CAPZB: variants seen among roughly 807,000 people sequenced by gnomAD.
The protein encoded by CAPZB is capping actin protein of muscle Z-line subunit beta, also known as F-actin-capping protein subunit beta.
Under a neutral mutation model 38.1 loss-of-function variants are expected in CAPZB, and 2 were observed. The observed-to-expected ratio is 0.05, with a 90% CI of 0.02 to 0.17. The LOEUF (loss-of-function observed/expected upper bound fraction) is 0.17, where lower values mean the gene tolerates loss of function less well. Among genes scored for constraint, CAPZB ranks in the 10% least tolerant of loss-of-function variants. The pLI, the probability that CAPZB is intolerant of heterozygous loss-of-function variation, is 1.00. For synonymous variants in CAPZB, 107 were observed against 127.4 expected (o/e 0.84, Z 1.08); for missense variants, 161 against 334.2 (o/e 0.48, Z 4.04).
chr1:19,369,491 G>A lies in CAPZB; in HGVS notation c.329+9049C>T, dbSNP rs564843686. Among the ~76,000 whole-genome samples, 9 of 152,362 alleles carry A rather than the reference G, an allele frequency of 5.9e-5. No individual in the cohort carries two copies. The East Asian group carries it at 1.3e-3, about 23-fold the overall frequency. On this transcript the variant is annotated intron_variant, in intron 4 of 8. Transcript: ENST00000264202. ...CACAAGCCCCAGGCAGTGGCAAGCC[G>A]GTGTCCCACAGCAGGCAGGGCGGGT...
Position 19,448,913 on chromosome 1 carries a change from A to G in CAPZB, c.4-29163T>C, listed in dbSNP as rs755684132. 8 of 1,612,734 alleles carry G rather than the reference A, an allele frequency of 5.0e-6. No homozygotes were observed. The African/African-American group carries it at 9.3e-5, about 19-fold the overall frequency. On this transcript the variant is annotated intron_variant, in intron 1 of 8. Transcript: ENST00000264202. ...CCCTGTATCCTGGAACTGCCTGGGC[A>G]TTGGAGGAGGTGATGGGTTAATAAC...
At chr1:19,414,080 C>T (rs542417131) in intron 2 of CAPZB, among the ~76,000 whole-genome samples, 20 of 152,092 alleles carry the variant, frequency 1.3e-4, no homozygotes, top group Admixed American at 5.9e-4. Flanking sequence ...GGCTGCTTCA[C>T]GGAGAGCAGG....
chr1:19,428,818 G>A (rs529666394), intron 1 of CAPZB, among the ~76,000 whole-genome samples: 53 of 152,202 alleles, frequency 3.5e-4, no homozygotes, highest in African/African-American at 1.2e-3. Flanking sequence ...CGAACAGTGA[G>A]ATGAGATTCT....
At chr1:19,436,332 G>GCCAGCTCGGTTCTCAT (rs1260692729) in intron 1 of CAPZB, among the ~76,000 whole-genome samples, 4 of 152,172 alleles carry the variant, frequency 2.6e-5, no homozygotes, top group Non-Finnish European at 5.9e-5. Context: ...TCGGTTCTCA[G>GCCAGCTCGGTTCTCAT]ATCCACTGTC....
intron 1 of CAPZB, among the ~76,000 whole-genome samples, chr1:19,484,867 G>A (rs143420434): frequency 1.9e-3 from 282 of 152,350 alleles, no homozygotes; most frequent in African/African-American, 6.6e-3. Flanking sequence ...ACAGAGAGAA[G>A]AGGAGATTCA....
intron 1 of CAPZB, chr1:19,424,576 G>C (rs917039128): frequency 3.9e-5 from 6 of 152,386 alleles, no homozygotes; most frequent in African/African-American, 1.4e-4. Flanking sequence ...AACCGGCCCA[G>C]GACAGAAACG....
At chr1:19,451,163 C>T (rs2094514812) in intron 1 of CAPZB, among the ~76,000 whole-genome samples, 1 of 152,210 alleles carries the variant, frequency 6.6e-6, no homozygotes, top group South Asian at 2.1e-4. Flanking sequence ...TGCTATTTCG[C>T]ATTAAGACTT....
chr1:19,411,799 C>T (rs541570185), intron 2 of CAPZB, among the ~76,000 whole-genome samples: 1 of 152,328 alleles, frequency 6.6e-6, no homozygotes, highest in Admixed American at 6.5e-5. Context: ...CTTCCTCTTT[C>T]TAAGCAAATC....
intron 1 of CAPZB, among the ~76,000 whole-genome samples, chr1:19,436,964 C>T (rs12137192): frequency 2.6e-5 from 4 of 152,050 alleles, no homozygotes; most frequent in Non-Finnish European, 5.9e-5. Flanking sequence ...ACCTGTGGAG[C>T]CTGGATGGTT....
intron 1 of CAPZB, 144 bp downstream of exon 1, chr1:19,485,292 G>T: frequency 2.0e-6 from 1 of 494,270 alleles, no homozygotes; most frequent in Non-Finnish European, 3.2e-6. Flanking sequence ...TGGGCGGGGA[G>T]GGACCGGGTC....
intron 1 of CAPZB, among the ~76,000 whole-genome samples, chr1:19,464,906 A>C (rs1377208035): frequency 6.6e-6 from 1 of 152,142 alleles, no homozygotes; most frequent in Admixed American, 6.5e-5. Flanking sequence ...GAGGGGGAAA[A>C]GGGCCAAAGG....
rs556701892 is a variant in CAPZB, at chr1:19,464,042, C to T, written c.3+21394G>A. 1.7e-4 allele frequency among the ~76,000 whole-genome samples: 25 copies of T among 148,702 alleles called. No individual in the cohort carries two copies. In the South Asian group the frequency reaches 5.2e-3, roughly 31 times the overall value. ...ATACAAAAAAAAAAAAAAAAATTAG[C>T]TGGATGTGGTGGTGCACACCTGTAA... On this transcript the variant is annotated intron_variant, in intron 1 of 8. Coordinates refer to ENST00000264202, the MANE Select transcript of CAPZB (RefSeq NM_004930.5).
intron 1 of CAPZB, among the ~76,000 whole-genome samples, chr1:19,463,686 A>G (rs1202662184): frequency 6.6e-6 from 1 of 152,190 alleles, no homozygotes; most frequent in African/African-American, 2.4e-5. Context: ...TCCAGGAGCC[A>G]GGAAGACCAC....
chr1:19,431,585 GT>G (rs34083769), intron 1 of CAPZB, among the ~76,000 whole-genome samples: 35,281 of 151,840 alleles, frequency 0.23, 4,457 homozygotes, highest in Non-Finnish European at 0.28. Context: ...GCTGGGCGTG[GT>G]GGCGGGCGCC....
intron 2 of CAPZB, among the ~76,000 whole-genome samples, chr1:19,398,921 G>C (rs117606995): frequency 6.7e-6 from 1 of 150,226 alleles, no homozygotes; most frequent in Non-Finnish European, 1.5e-5. Flanking sequence ...GCAATGGAGC[G>C]ATCTCGAGTA....
rs1363494522 is a variant in CAPZB at position 19,412,158 on chromosome 1, G to A, written c.93+7503C>T. Among the ~76,000 whole-genome samples, 10 of 152,208 alleles carry A rather than the reference G, an allele frequency of 6.6e-5. No individual in the cohort carries two copies. The East Asian group carries it at 1.9e-3, about 29-fold the overall frequency. Reference sequence around the variant, plus strand: ...CTTGTAAAACGGGAACTATAGCAGTGTTGTCTATAGGAAAGCTCAGAATAC... The same window carrying A: ...CTTGTAAAACGGGAACTATAGCAGTATTGTCTATAGGAAAGCTCAGAATAC... On this transcript the variant is annotated intron_variant, in intron 2 of 8. Transcript: ENST00000264202.
intron 2 of CAPZB, among the ~76,000 whole-genome samples, chr1:19,417,583 T>C (rs889143756): frequency 6.6e-6 from 1 of 152,192 alleles, no homozygotes; most frequent in African/African-American, 2.4e-5. Flanking sequence ...TGGCTGCGCA[T>C]GAGGCACTGC....
chr1:19,351,981 GC>G (rs2093994107), intron 6 of CAPZB, among the ~76,000 whole-genome samples: 1 of 152,134 alleles, frequency 6.6e-6, no homozygotes, highest in South Asian at 2.1e-4. Context: ...AAACCCAGAC[GC>G]CCCTTGAAGC....
intron 1 of CAPZB, among the ~76,000 whole-genome samples, chr1:19,452,515 G>A (rs933222307): frequency 6.6e-6 from 1 of 152,186 alleles, no homozygotes; most frequent in Non-Finnish European, 1.5e-5. Context: ...TGTGGGCTGA[G>A]CTATCCTGGT....
Sources: allele counts gnomAD v4.1 joint callset (sites outside exome capture counted in the v4.1 genomes callset), GRCh38; gene constraint gnomAD v4.1.1; transcripts MANE v1.5; gene names NCBI Gene and HGNC (gene_info 2026-07-23, HGNC 2026-07-21).